Variants in DPEP2 observed in about 807,000 individuals in gnomAD.
DPEP2 encodes the protein dipeptidase 2.
In DPEP2, 45 loss-of-function variants were observed where a neutral mutation model predicts 51.8. That is an observed-to-expected ratio of 0.87 (90% CI 0.68 to 1.11). The LOEUF is 1.11. Ranked by LOEUF, DPEP2 falls within the 50% of genes most tolerant of loss-of-function variation. DPEP2 has a pLI of 0.00. For synonymous variants in DPEP2, 255 were observed against 262.7 expected (o/e 0.97, Z 0.28); for missense variants, 604 against 631.9 (o/e 0.96, Z 0.47).
chr16:67,988,390 CA>C (rs927871862), intron 9 of DPEP2, among the ~76,000 whole-genome samples: 1 of 132,704 alleles, frequency 7.5e-6, no homozygotes, highest in African/African-American at 2.8e-5. Flanking sequence ...ACTAAAAAGA[CA>C]AAAAAGAAAG....
intron 1 of DPEP2, chr16:67,994,216 A>T (rs2032526252): frequency 1.0e-6 from 1 of 985,426 alleles, no homozygotes; most frequent in Admixed American, 6.2e-5. Context: ...CTCCTTGAGG[A>T]AGCCCCGGCC....
chr16:67,991,760 T>G lies in DPEP2; in HGVS notation c.662+78A>C. The G allele has an allele frequency of 6.4e-7, 1 of 1,566,830 alleles. No homozygotes were observed. The highest frequency in any genetic ancestry group is 1.2e-5 in the South Asian group (1 of 83,564). ...CAGTGCCACATCCCATGGGTAAAGC[T>G]TGTTCTGGGCCCACAGTGACCTCAG... is the stretch of plus-strand genomic sequence containing the variant. On this transcript the variant is annotated intron_variant, in intron 5 of 10. Transcript: ENST00000393847. This position sits in a 1 kb window ranked among gnomAD's most constrained non-coding sequence, Gnocchi z 5.1.
At chr16:68,000,320 C>G (rs942303868), upstream of DPEP2, 1 of 470,208 alleles carries the variant, frequency 2.1e-6, no homozygotes, top group South Asian at 9.0e-5. Flanking sequence ...GTGTGCAGCT[C>G]ACTCGCCCCT....
At position 67,991,495 on chromosome 16, in the gene DPEP2, A is replaced by AG. The variant is rs1304131555; in HGVS notation, c.663-312dup. 5.8e-6 allele frequency: 3 copies of AG among 514,760 alleles called. No individual in the cohort carries two copies. The highest frequency in any genetic ancestry group is 1.0e-5 in the Non-Finnish European group (3 of 289,290). 31.9% of individuals were successfully genotyped at this position (514,760 alleles called of 1,614,324 possible). On this transcript the variant is annotated intron_variant, in intron 5 of 10. Transcript: ENST00000393847. The surrounding 1 kb of genome is among the most constrained non-coding windows in gnomAD (Gnocchi z 5.1). ...TGGGTTCAAGAGATTCTCATGCCTC[A>AG]GCCTCCTGAGTATCTGGGATTATAG...
chr16:67,993,713 G>A (rs1190097723), intron 1 of DPEP2: 1 of 986,316 alleles, frequency 1.0e-6, no homozygotes, highest in African/African-American at 1.7e-5. Context: ...AGGGCCACAT[G>A]TGTCCCTGTG....
chr16:67,998,478 C>T (rs2032832060), intron 1 of DPEP2, among the ~76,000 whole-genome samples: 3 of 152,224 alleles, frequency 2.0e-5, no homozygotes, highest in Non-Finnish European at 4.4e-5. Context: ...ACCTGCAGCC[C>T]TCCATGCCTG....
chr16:67,992,959 A>G lies in DPEP2; in HGVS notation c.254T>C (p.Leu85Pro), dbSNP rs149918129. Residue 85 changes from leucine (L) to proline (P), a missense_variant, in exon 2 of 11, where the codon CTC becomes CCC. Coordinates refer to ENST00000393847, the MANE Select transcript of DPEP2 (RefSeq NM_022355.4). The part of the protein sequence containing the change: ...QARALMRDFP[L>P]VDGHNDLPLV... ...TGCAGCAATTACGCACCCGTCCACG[A>G]GCGGGAAGTCCCGCATCAGGGCCCG... 7.0e-5 allele frequency: 112 copies of G among 1,611,128 alleles called. 1 individual carries two copies. The African/African-American group carries it at 1.4e-3, about 20-fold the overall frequency.
intron 9 of DPEP2, among the ~76,000 whole-genome samples, chr16:67,988,609 AAAAAAAAGAAAAG>A (rs927898137): frequency 2.0e-5 from 3 of 149,732 alleles, no homozygotes; most frequent in Admixed American, 6.6e-5. Flanking sequence ...TCTCAAAAAA[AAAAAAAAGAAAAG>A]AAAAAAAGAA....
Position 67,991,275 on chromosome 16 carries a change from C to T in DPEP2, c.663-91G>A, listed in dbSNP as rs751998903. On this transcript the variant is annotated intron_variant, in intron 5 of 10. Transcript: ENST00000393847. The surrounding 1 kb of genome is among the most constrained non-coding windows in gnomAD (Gnocchi z 5.1). ...TACCCACCCTCCATCCCTGCACCCC[C>T]CTGAAACAAAAACAGGGATCCAAAA... 73 of 1,346,092 alleles carry T rather than the reference C, an allele frequency of 5.4e-5. No homozygotes were observed. Among genetic ancestry groups the T allele is most frequent in the Non-Finnish European group, 6.8e-5 (66 of 969,522 alleles). The allele number at this position is 1,346,092 out of a possible 1,614,324, so 83.4% of individuals were successfully genotyped here. A position where few individuals can be genotyped will look rare whatever the true frequency, so the allele number is the denominator to read the frequency against.
intron 1 of DPEP2, among the ~76,000 whole-genome samples, chr16:67,995,689 C>T (rs894267179): frequency 9.2e-5 from 14 of 152,152 alleles, no homozygotes; most frequent in Non-Finnish European, 1.8e-4. Flanking sequence ...ATGGGTGGGG[C>T]GCAGTGACTC....
chr16:68,000,441 GGCTTACTCAGT>G (rs983258914), upstream of DPEP2: 1 of 985,282 alleles, frequency 1.0e-6, no homozygotes, highest in Non-Finnish European at 1.2e-6. Flanking sequence ...GTGCAGCTGG[GGCTTACTCAGT>G]ATCCAGCAGT....
upstream of DPEP2, among the ~76,000 whole-genome samples, chr16:67,999,983 G>T (rs541376781): frequency 6.6e-6 from 1 of 152,120 alleles, no homozygotes; most frequent in Non-Finnish European, 1.5e-5. Context: ...GAAATCTACC[G>T]AATTTCTTTC....
intron 1 of DPEP2, among the ~76,000 whole-genome samples, chr16:67,996,699 T>C (rs1404701162): frequency 1.3e-5 from 2 of 152,112 alleles, no homozygotes; most frequent in East Asian, 3.9e-4. Context: ...TGCATTTTTT[T>C]TTAAGCTTCT....
intron 1 of DPEP2, chr16:67,994,040 A>C (rs1002136962): frequency 4.3e-5 from 42 of 985,506 alleles, no homozygotes; most frequent in Non-Finnish European, 4.9e-5. Flanking sequence ...ATGAGAGCGC[A>C]GCAAGCATCT....
chr16:67,998,065 G>GCC (rs990418692), intron 1 of DPEP2, among the ~76,000 whole-genome samples: 111 of 152,308 alleles, frequency 7.3e-4, no homozygotes, highest in African/African-American at 2.6e-3. Context: ...AGTCCTCACA[G>GCC]CCCTCGCTCG....
chr16:67,989,332 C>T lies in DPEP2; in HGVS notation c.1061G>A (p.Gly354Glu), dbSNP rs753778067. Residue 354 changes from glycine to glutamate, a missense_variant, in exon 9 of 11, where the codon GGG (glycine) becomes GAG (glutamate). Gly to Glu is a moderately conservative substitution (Grantham distance 98). Transcript: ENST00000393847. ...KFIGIGGDYD[G>E]AGKFPQGLED... The stretch of plus-strand genomic sequence containing the variant: ...CAGGGAAGGCACTCACTTGCCGGCC[C>T]CATCATAATCTCCACCAATCCCGAT... 6.2e-7 allele frequency: 1 copy of T among 1,614,162 alleles called. No homozygotes were observed. Among genetic ancestry groups the T allele is most frequent in the South Asian group, 1.1e-5 (1 of 91,080 alleles).
At position 67,991,784 on chromosome 16, in the gene DPEP2, A is replaced by C. The variant is rs979696874; in HGVS notation, c.662+54T>G. ...CTTGTTCTGGGCCCACAGTGACCTC[A>C]GGCAGATCTCTGCCCCTGCCTCAGC... On this transcript the variant is annotated intron_variant, in intron 5 of 10. Coordinates refer to ENST00000393847, the MANE Select transcript of DPEP2 (RefSeq NM_022355.4). The surrounding 1 kb of genome is among the most constrained non-coding windows in gnomAD (Gnocchi z 5.1). 2.7e-5 allele frequency: 43 copies of C among 1,596,472 alleles called. 2 individuals are homozygous for C. In the East Asian group the frequency reaches 9.6e-4, roughly 36 times the overall value.
intron 1 of DPEP2, chr16:67,994,037 C>G (rs964032116): frequency 2.0e-6 from 2 of 985,500 alleles, no homozygotes; most frequent in African/African-American, 1.7e-5. Flanking sequence ...GGGATGAGAG[C>G]GCAGCAAGCA....
intron 1 of DPEP2, among the ~76,000 whole-genome samples, chr16:67,995,847 C>T (rs1289227178): frequency 6.6e-6 from 1 of 151,802 alleles, no homozygotes; most frequent in Non-Finnish European, 1.5e-5. Context: ...GCCTGTAGTC[C>T]CAAATACCTG....
Sources: gnomAD v4.1 joint callset for allele counts (sites outside exome capture counted in the v4.1 genomes callset) on GRCh38, gnomAD v4.1.1 for gene constraint, Gnocchi (gnomAD v3.1) non-coding constraint, MANE v1.5 for transcripts, NCBI Gene and HGNC (gene_info 2026-07-23, HGNC 2026-07-21) for gene names.